The following C13orf42 variants were observed in gnomAD, a reference collection of about 807,000 sequenced individuals.
C13orf42 encodes uncharacterized protein C13orf42.
chr13:51,128,837 T>C (rs1226656928), intron 1 of C13orf42, among the ~76,000 whole-genome samples: 2 of 152,186 alleles, frequency 1.3e-5, no homozygotes, highest in South Asian at 4.1e-4. Flanking sequence ...AAAGGTTACA[T>C]AGCTTGTAAT....
rs561273673 is a variant in C13orf42 at position 51,099,400 on chromosome 13, G to A, written c.415-11325C>T. Among the ~76,000 whole-genome samples, 9 of 152,144 alleles carry A rather than the reference G, an allele frequency of 5.9e-5. No individual in the cohort carries two copies. In the East Asian group the frequency reaches 9.7e-4, roughly 16 times the overall value. On this transcript the variant is annotated intron_variant, in intron 1 of 3. Transcript: ENST00000563710. ...GCTAAATAGTCAACTTGCCAGGGCT[G>A]AAGAAAAAAATCAGTGAAATAGACA...
At chr13:51,120,515 A>G (rs1307952361) in intron 1 of C13orf42, among the ~76,000 whole-genome samples, 1 of 152,200 alleles carries the variant, frequency 6.6e-6, no homozygotes, top group Admixed American at 6.5e-5. Flanking sequence ...CAACCTTTTT[A>G]TGATCATAAA....
intron 1 of C13orf42, among the ~76,000 whole-genome samples, chr13:51,129,780 AGAGGGGTACCTTAG>A (rs1179514805): frequency 2.0e-5 from 3 of 152,184 alleles, no homozygotes; most frequent in African/African-American, 7.2e-5. Context: ...TCTGTCATAA[AGAGGGGTACCTTAG>A]GATAGAACAT....
At chr13:51,153,744 T>A (rs1436291400) in intron 1 of C13orf42, among the ~76,000 whole-genome samples, 1 of 148,346 alleles carries the variant, frequency 6.7e-6, no homozygotes, top group South Asian at 2.1e-4. Context: ...TGAGCTCAAG[T>A]GATTCTCCCA....
At chr13:51,090,445 C>T (rs1477357332) in intron 1 of C13orf42, among the ~76,000 whole-genome samples, 1 of 152,044 alleles carries the variant, frequency 6.6e-6, no homozygotes, top group Non-Finnish European at 1.5e-5. Flanking sequence ...CAGCCTGACC[C>T]CTGAGGAAGG....
intron 1 of C13orf42, among the ~76,000 whole-genome samples, chr13:51,151,028 C>T (rs1381010284): frequency 6.6e-6 from 1 of 152,206 alleles, no homozygotes; most frequent in Non-Finnish European, 1.5e-5. Context: ...TAAGGCCAAT[C>T]ACAGGCACAA....
chr13:51,155,031 G>A (rs1261210935), intron 1 of C13orf42, among the ~76,000 whole-genome samples: 1 of 152,122 alleles, frequency 6.6e-6, no homozygotes, highest in Non-Finnish European at 1.5e-5. Flanking sequence ...TCAGTTTAAC[G>A]TATGTTTAGA....
Position 51,110,934 on chromosome 13 carries a change from C to A in C13orf42, c.276G>T (p.Leu92=), listed in dbSNP as rs928377194. 5 of 398,550 alleles carry A rather than the reference C, an allele frequency of 1.3e-5. No individual in the cohort carries two copies. Among genetic ancestry groups the A allele is most frequent in the African/African-American group, 1.0e-4 (5 of 48,640 alleles). The allele number at this position is 398,550 out of a possible 1,614,324, so 24.7% of individuals were successfully genotyped here. ...TGAGATATTTTTTGCGCAAGGCCAG[C>A]AGCTCCTGCAGGTACTGCAGGCAGT... ...TQDCLQYLQE[L]LALRKKYLSS... Residue 92 remains leucine (L), a synonymous_variant, in exon 1 of 4, where the codon CTG becomes CTT. Transcript: ENST00000563710.
intron 1 of C13orf42, among the ~76,000 whole-genome samples, chr13:51,139,134 T>C (rs1264642736): frequency 6.6e-6 from 1 of 152,096 alleles, no homozygotes; most frequent in African/African-American, 2.4e-5. Context: ...CTGACCAGCA[T>C]GGTGAAACCC....
chr13:51,119,555 T>G (rs1285634719), intron 1 of C13orf42, among the ~76,000 whole-genome samples: 1 of 152,120 alleles, frequency 6.6e-6, no homozygotes, highest in Non-Finnish European at 1.5e-5. Context: ...ATACCTGCCA[T>G]GAAATAGCAC....
At chr13:51,139,949 AC>A (rs1953684157) in intron 1 of C13orf42, among the ~76,000 whole-genome samples, 1 of 152,098 alleles carries the variant, frequency 6.6e-6, no homozygotes, top group Non-Finnish European at 1.5e-5. Context: ...AGATCCAAGA[AC>A]CCTCTCTTGG....
chr13:51,106,501 G>T lies in C13orf42; in HGVS notation c.414+4295C>A, dbSNP rs572011763. 7.2e-5 allele frequency among the ~76,000 whole-genome samples: 11 copies of T among 152,286 alleles called. No individual in the cohort carries two copies. In the Middle Eastern group the frequency reaches 0.014, roughly 188 times the overall value. ...GTGAGTTCTGGCACGATACAGATTG[G>T]GATCAAATCCTGGCTTTCTCTTCGT... On this transcript the variant is annotated intron_variant, in intron 1 of 3. Transcript: ENST00000563710.
chr13:51,125,707 C>T (rs1438882514), intron 1 of C13orf42, among the ~76,000 whole-genome samples: 6 of 152,198 alleles, frequency 3.9e-5, no homozygotes, highest in Admixed American at 3.9e-4. Context: ...TAGGCTTATC[C>T]TTTTAATCAA....
chr13:51,152,047 T>C (rs552526545), intron 1 of C13orf42, among the ~76,000 whole-genome samples: 3 of 152,324 alleles, frequency 2.0e-5, no homozygotes, highest in African/African-American at 4.8e-5. Context: ...AGGGGATTCA[T>C]AGGTGCATGA....
At chr13:51,147,229 G>A (rs1471345926) in intron 1 of C13orf42, among the ~76,000 whole-genome samples, 1 of 152,050 alleles carries the variant, frequency 6.6e-6, no homozygotes, top group East Asian at 1.9e-4. Context: ...AGGTGTGGTG[G>A]GGACCCCCTT....
intron 1 of C13orf42, among the ~76,000 whole-genome samples, chr13:51,124,401 C>A (rs913290992): frequency 6.6e-6 from 1 of 152,164 alleles, no homozygotes; most frequent in African/African-American, 2.4e-5. Flanking sequence ...GCTGTCTAGG[C>A]TGCGGACAAG....
intron 1 of C13orf42, among the ~76,000 whole-genome samples, chr13:51,095,554 A>G (rs2137984411): frequency 6.6e-6 from 1 of 150,742 alleles, no homozygotes; most frequent in Non-Finnish European, 1.5e-5. Flanking sequence ...TTTTAACTAT[A>G]TCTTCTTTTT....
intron 1 of C13orf42, among the ~76,000 whole-genome samples, chr13:51,137,079 T>TTG (rs1436648682): frequency 6.6e-6 from 1 of 152,110 alleles, no homozygotes; most frequent in African/African-American, 2.4e-5. Flanking sequence ...GTTTGTGTGT[T>TTG]TGTGTGTGTG....
chr13:51,169,160 CA>C lies in C13orf42; in HGVS notation n.136+3092del, dbSNP rs1953925705. ...TTGGTTTAACAAGCAGAGATTAGAA[CA>C]GTTTAGAGGGCTCAGAAGAAGACAG... is the stretch of plus-strand genomic sequence containing the variant. On this transcript the variant is annotated intron_variant and non_coding_transcript_variant, in intron 1 of 4. Transcript: ENST00000433280. 5.3e-5 allele frequency among the ~76,000 whole-genome samples: 8 copies of C among 152,226 alleles called. No homozygotes were observed. In the South Asian group the frequency reaches 1.7e-3, roughly 32 times the overall value.
Sources: gnomAD v4.1 joint callset for allele counts (sites outside exome capture counted in the v4.1 genomes callset) on GRCh38, gnomAD v4.1.1 for gene constraint, MANE v1.5 for transcripts, NCBI Gene and HGNC (gene_info 2026-07-23, HGNC 2026-07-21) for gene names.